Variants in SPMIP2 observed in about 807,000 individuals in gnomAD.
SPMIP2 encodes the protein sperm microtubule inner protein 2, also known as protein SPMIP2.
the SPMIP2 span, among the ~76,000 whole-genome samples, chr4:158,943,999 G>A: frequency 6.6e-6 from 1 of 151,368 alleles, no homozygotes; most frequent in Admixed American, 6.6e-5. Context: ...GGGACTACAG[G>A]CGCCCGCCAC....
the SPMIP2 span, among the ~76,000 whole-genome samples, chr4:158,901,097 A>C: frequency 7.2e-6 from 1 of 139,230 alleles, no homozygotes; most frequent in Non-Finnish European, 1.6e-5. Context: ...TGTGAAGCTT[A>C]GTTTGGCTGG....
the SPMIP2 span, among the ~76,000 whole-genome samples, chr4:158,922,204 T>C: frequency 6.6e-6 from 1 of 152,118 alleles, no homozygotes; most frequent in Non-Finnish European, 1.5e-5. Context: ...ATTTACTTTT[T>C]TGATCTGCCT....
At chr4:158,986,441 A>G in the SPMIP2 span, among the ~76,000 whole-genome samples, 8 of 152,230 alleles carry the variant, frequency 5.3e-5, no homozygotes, top group African/African-American at 1.9e-4. Flanking sequence ...ACAGAGATAT[A>G]GATCAATGGA....
the SPMIP2 span, among the ~76,000 whole-genome samples, chr4:158,912,386 A>C: frequency 1.3e-5 from 2 of 152,230 alleles, no homozygotes; most frequent in African/African-American, 4.8e-5. Context: ...TCAACCATCT[A>C]TTTTGATGGG....
At chr4:159,035,517 C>T in the SPMIP2 span, among the ~76,000 whole-genome samples, 1 of 152,224 alleles carries the variant, frequency 6.6e-6, no homozygotes, top group East Asian at 1.9e-4. Flanking sequence ...CCCCCACAAA[C>T]CATGGTTAAA....
chr4:158,996,730 C>T, the SPMIP2 span, among the ~76,000 whole-genome samples: 2 of 152,134 alleles, frequency 1.3e-5, no homozygotes, highest in African/African-American at 4.8e-5. Context: ...GAGGCTGTCA[C>T]GGTTTCAGTT....
chr4:158,962,012 T>G, the SPMIP2 span, among the ~76,000 whole-genome samples: 1 of 152,288 alleles, frequency 6.6e-6, no homozygotes, highest in East Asian at 1.9e-4. Context: ...TACACTTATT[T>G]TAAATGTTTT....
At chr4:158,929,001 C>CTGCGAGCG in the SPMIP2 span, among the ~76,000 whole-genome samples, 2 of 152,208 alleles carry the variant, frequency 1.3e-5, no homozygotes, top group Non-Finnish European at 2.9e-5. Flanking sequence ...GTAACACTCA[C>CTGCGAGCG]TGCGAGCGTC....
At chr4:158,939,224 T>C in the SPMIP2 span, among the ~76,000 whole-genome samples, 1 of 152,236 alleles carries the variant, frequency 6.6e-6, no homozygotes, top group Non-Finnish European at 1.5e-5. Context: ...TCTATCCAGA[T>C]GGTAAATCTT....
the SPMIP2 span, among the ~76,000 whole-genome samples, chr4:158,973,866 G>C: frequency 0.014 from 2,053 of 151,364 alleles, 46 homozygotes; most frequent in African/African-American, 0.047. Flanking sequence ...CACACCTGTG[G>C]TCCCAGCTAT....
chr4:159,058,186 CTTT>C, the SPMIP2 span, among the ~76,000 whole-genome samples: 111 of 141,496 alleles, frequency 7.8e-4, no homozygotes, highest in Admixed American at 2.8e-3. Flanking sequence ...ATTTGCTGGG[CTTT>C]TTTTTTTTTT....
At chr4:158,943,887 C>T in the SPMIP2 span, among the ~76,000 whole-genome samples, 11 of 86,284 alleles carry the variant, frequency 1.3e-4, no homozygotes, top group African/African-American at 3.7e-4. Context: ...GAGACAGTCT[C>T]GCTCTGTCGC....
chr4:159,068,763 T>C, the SPMIP2 span, among the ~76,000 whole-genome samples: 24 of 150,856 alleles, frequency 1.6e-4, no homozygotes, highest in African/African-American at 5.4e-4. Context: ...TACCCATAAC[T>C]TGGAGAAAGG....
the SPMIP2 span, among the ~76,000 whole-genome samples, chr4:159,048,966 G>GACATA: frequency 6.6e-6 from 1 of 151,818 alleles, no homozygotes; most frequent in African/African-American, 2.4e-5. Flanking sequence ...GCTTTTAGTT[G>GACATA]ACATAATGTA....
the SPMIP2 span, among the ~76,000 whole-genome samples, chr4:158,933,609 G>A: frequency 1.3e-5 from 2 of 152,002 alleles, no homozygotes; most frequent in African/African-American, 4.8e-5. Flanking sequence ...TTCATATATG[G>A]CTTCTCAGAA....
the SPMIP2 span, among the ~76,000 whole-genome samples, chr4:159,010,610 A>G: frequency 2.0e-5 from 3 of 152,192 alleles, no homozygotes. Flanking sequence ...TCTTCAATTT[A>G]TTAACATCTG....
chr4:158,965,298 G>A, the SPMIP2 span, among the ~76,000 whole-genome samples: 1 of 151,010 alleles, frequency 6.6e-6, no homozygotes, highest in African/African-American at 2.4e-5. Flanking sequence ...CTTGGGAATT[G>A]TTATGATTTG....
the SPMIP2 span, among the ~76,000 whole-genome samples, chr4:159,029,587 A>G: frequency 6.6e-6 from 1 of 152,226 alleles, no homozygotes; most frequent in Admixed American, 6.5e-5. Context: ...TCTAACTATG[A>G]TACTCAAAAA....
At chr4:159,020,432 G>C in the SPMIP2 span, among the ~76,000 whole-genome samples, 2 of 152,288 alleles carry the variant, frequency 1.3e-5, no homozygotes, top group Non-Finnish European at 2.9e-5. Context: ...CTTTGAAGCT[G>C]CCTTATGTTA....
Sources: gnomAD v4.1 joint callset for allele counts (sites outside exome capture counted in the v4.1 genomes callset) on GRCh38, gnomAD v4.1.1 for gene constraint, MANE v1.5 for transcripts, NCBI Gene and HGNC (gene_info 2026-07-23, HGNC 2026-07-21) for gene names.